The following CDH12 variants were observed in gnomAD, a reference collection of about 807,000 sequenced individuals.
CDH12 encodes the protein cadherin 12.
Under a neutral mutation model 74.1 loss-of-function variants are expected in CDH12, and 41 were observed. The ratio of observed to expected loss-of-function variants is 0.55; its 90% CI spans 0.43 to 0.72. CDH12 has a LOEUF of 0.72. CDH12 is among the 30% of genes least tolerant of loss of function. CDH12 has a pLI of 0.00. For synonymous variants in CDH12, 399 were observed against 355.0 expected (o/e 1.12, Z -1.39); for missense variants, 945 against 977.2 (o/e 0.97, Z 0.44).
chr5:22,082,319 T>C (rs779791359), intron 4 of CDH12, among the ~76,000 whole-genome samples: 10 of 152,194 alleles, frequency 6.6e-5, no homozygotes, highest in Non-Finnish European at 1.3e-4. Context: ...CATATCCAAG[T>C]TGCCAGCATC....
chr5:22,829,920 T>C (rs1419308956), intron 1 of CDH12, among the ~76,000 whole-genome samples: 2 of 152,208 alleles, frequency 1.3e-5, no homozygotes, highest in African/African-American at 4.8e-5. Context: ...CAGATGAACC[T>C]GAAAAACCAC....
At chr5:22,156,502 T>C (rs918279196) in intron 4 of CDH12, among the ~76,000 whole-genome samples, 1 of 152,142 alleles carries the variant, frequency 6.6e-6, no homozygotes, top group African/African-American at 2.4e-5. Flanking sequence ...CGTATATACA[T>C]ATACTTAAAG....
intron 4 of CDH12, among the ~76,000 whole-genome samples, chr5:22,114,944 AGCATTACTTGTTCAT>A (rs1745004330): frequency 6.6e-6 from 1 of 152,238 alleles, no homozygotes; most frequent in Admixed American, 6.5e-5. Context: ...AAGATTTTGA[AGCATTACTTGTTCAT>A]TGCAGCAACT....
At chr5:22,137,493 T>TTCTC (rs1746530269) in intron 4 of CDH12, among the ~76,000 whole-genome samples, 1 of 152,062 alleles carries the variant, frequency 6.6e-6, no homozygotes, top group Admixed American at 6.6e-5. Flanking sequence ...TTAATTGGCT[T>TTCTC]TCTCTTTCAT....
intron 1 of CDH12, among the ~76,000 whole-genome samples, chr5:22,513,789 T>C (rs1736702330): frequency 6.6e-6 from 1 of 151,422 alleles, no homozygotes; most frequent in African/African-American, 2.4e-5. Context: ...CTACTAAAAA[T>C]ACAAAAAAAT....
chr5:22,248,025 A>T (rs1192246561), intron 3 of CDH12, among the ~76,000 whole-genome samples: 1 of 152,210 alleles, frequency 6.6e-6, no homozygotes, highest in Admixed American at 6.5e-5. Flanking sequence ...GGCCAGGTAC[A>T]GTGGCTCACG....
intron 6 of CDH12, among the ~76,000 whole-genome samples, chr5:21,859,094 GA>G (rs1750897787): frequency 6.6e-6 from 1 of 151,936 alleles, no homozygotes; most frequent in Non-Finnish European, 1.5e-5. Flanking sequence ...CTGTCTAACT[GA>G]AATTGTGTAT....
intron 1 of CDH12, among the ~76,000 whole-genome samples, chr5:22,649,350 A>G (rs1305365888): frequency 6.6e-6 from 1 of 151,984 alleles, no homozygotes; most frequent in East Asian, 1.9e-4. Context: ...GCTAGGCAGA[A>G]CTCTGACTCA....
At chr5:21,917,865 T>G (rs1754171687) in intron 6 of CDH12, among the ~76,000 whole-genome samples, 1 of 152,224 alleles carries the variant, frequency 6.6e-6, no homozygotes, top group Non-Finnish European at 1.5e-5. Context: ...TGGAAAGACT[T>G]GATTTTCAAA....
chr5:22,130,323 C>T (rs921118497), intron 4 of CDH12, among the ~76,000 whole-genome samples: 7 of 151,802 alleles, frequency 4.6e-5, no homozygotes, highest in African/African-American at 1.7e-4. Flanking sequence ...TTGAGAATCA[C>T]TGGCAGTGCT....
intron 1 of CDH12, among the ~76,000 whole-genome samples, chr5:22,714,189 G>A (rs1561596997): frequency 6.6e-6 from 1 of 152,082 alleles, no homozygotes; most frequent in Admixed American, 6.6e-5. Flanking sequence ...CTCCTCCCTA[G>A]TTTTTGTATT....
intron 3 of CDH12, among the ~76,000 whole-genome samples, chr5:22,365,582 C>A (rs1387310533): frequency 6.6e-6 from 1 of 152,142 alleles, no homozygotes; most frequent in Admixed American, 6.5e-5. Flanking sequence ...GAATGAAATT[C>A]TATGGATGCT....
intron 13 of CDH12, among the ~76,000 whole-genome samples, chr5:21,759,164 C>T (rs1343773914): frequency 6.6e-6 from 1 of 151,612 alleles, no homozygotes; most frequent in African/African-American, 2.4e-5. Flanking sequence ...AGTTGTATTC[C>T]ATATCATGTT....
At chr5:22,629,754 T>C (rs971274262) in intron 1 of CDH12, among the ~76,000 whole-genome samples, 1 of 152,080 alleles carries the variant, frequency 6.6e-6, no homozygotes, top group Non-Finnish European at 1.5e-5. Flanking sequence ...CTGGAAATCC[T>C]AGTCAGAGTA....
intron 1 of CDH12, among the ~76,000 whole-genome samples, chr5:22,671,618 A>C (rs1740902379): frequency 6.6e-6 from 1 of 152,150 alleles, no homozygotes; most frequent in Non-Finnish European, 1.5e-5. Flanking sequence ...AAGTGGTTCC[A>C]GCAATTGGGA....
At chr5:21,861,974 G>C (rs939735383) in intron 6 of CDH12, among the ~76,000 whole-genome samples, 5 of 151,418 alleles carry the variant, frequency 3.3e-5, no homozygotes, top group African/African-American at 1.2e-4. Context: ...TATTATATCT[G>C]TGTCTATCTG....
intron 1 of CDH12, among the ~76,000 whole-genome samples, chr5:22,700,916 C>A (rs1180356916): frequency 6.6e-6 from 1 of 152,100 alleles, no homozygotes; most frequent in African/African-American, 2.4e-5. Context: ...CTTAGAACAC[C>A]TCCCCATTTT....
intron 6 of CDH12, among the ~76,000 whole-genome samples, chr5:21,901,655 G>T (rs541920668): frequency 6.6e-6 from 1 of 152,116 alleles, no homozygotes; most frequent in African/African-American, 2.4e-5. Flanking sequence ...CTGGATACTG[G>T]CTTTATCAAC....
intron 1 of CDH12, among the ~76,000 whole-genome samples, chr5:22,539,650 G>C (rs561675095): frequency 6.6e-6 from 1 of 152,254 alleles, no homozygotes; most frequent in African/African-American, 2.4e-5. Context: ...CAGAAAAGTG[G>C]CCAAATAAAT....
Sources: allele counts gnomAD v4.1 joint callset (sites outside exome capture counted in the v4.1 genomes callset), GRCh38; gene constraint gnomAD v4.1.1; transcripts MANE v1.5; gene names NCBI Gene and HGNC (gene_info 2026-07-23, HGNC 2026-07-21).